Variants in SMYD2 observed in about 807,000 individuals in gnomAD.
SMYD2 encodes the protein SET and MYND domain containing 2.
Under a neutral mutation model 59.1 loss-of-function variants are expected in SMYD2, and 53 were observed. That is an observed-to-expected ratio of 0.90 (90% CI 0.72 to 1.13). The LOEUF (loss-of-function observed/expected upper bound fraction) is 1.13, where lower values mean the gene tolerates loss of function less well. Ranked by LOEUF, SMYD2 falls within the 50% of genes most tolerant of loss-of-function variation. The probability of loss-of-function intolerance (pLI) is 0.00; values close to 1 mark genes in which losing one functional copy is unlikely to be tolerated. For synonymous variants in SMYD2, 208 were observed against 198.8 expected (o/e 1.05, Z -0.39); for missense variants, 494 against 544.7 (o/e 0.91, Z 0.93).
chr1:214,325,873 A>C (rs1479343350), intron 6 of SMYD2, among the ~76,000 whole-genome samples: 1 of 148,866 alleles, frequency 6.7e-6, no homozygotes, highest in Non-Finnish European at 1.5e-5. Context: ...TGACACCTTT[A>C]TAACTGAAAT....
Position 214,324,710 on chromosome 1 carries a change from T to C in SMYD2, c.602+2T>C. ...TTTGGGATCAGCGATATTTCCTGAGTAGGCTGTGTTTGACTTCATTTCTTT... is the reference window on the plus strand; with the variant it reads ...TTTGGGATCAGCGATATTTCCTGAGCAGGCTGTGTTTGACTTCATTTCTTT... On this transcript the variant is annotated splice_donor_variant, in intron 6 of 11. Coordinates refer to ENST00000366957, the MANE Select transcript of SMYD2 (RefSeq NM_020197.3). LOFTEE classifies it high-confidence loss of function. 6.2e-7 allele frequency: 1 copy of C among 1,610,874 alleles called. No individual in the cohort carries two copies. Among genetic ancestry groups the C allele is most frequent in the Non-Finnish European group, 8.5e-7 (1 of 1,178,578 alleles).
intron 1 of SMYD2, among the ~76,000 whole-genome samples, chr1:214,287,794 A>G (rs1656575554): frequency 1.3e-5 from 2 of 152,276 alleles, no homozygotes; most frequent in South Asian, 4.1e-4. Context: ...AGGCACTTTA[A>G]TATTCTTTTA....
intron 3 of SMYD2, among the ~76,000 whole-genome samples, chr1:214,316,462 G>A (rs1304171251): frequency 6.6e-6 from 1 of 151,368 alleles, no homozygotes; most frequent in Non-Finnish European, 1.5e-5. Context: ...TCCAGCCTGA[G>A]CAACAAAGTA....
chr1:214,309,028 G>A (rs1656958544), intron 2 of SMYD2, among the ~76,000 whole-genome samples: 1 of 152,188 alleles, frequency 6.6e-6, no homozygotes, highest in South Asian at 2.1e-4. Flanking sequence ...GCTTCCTGGG[G>A]ATTTCCTCTT....
intron 2 of SMYD2, among the ~76,000 whole-genome samples, chr1:214,306,629 T>C (rs921203622): frequency 6.6e-6 from 1 of 152,206 alleles, no homozygotes. Flanking sequence ...CAATTGTAGA[T>C]AGAGTAGTGC....
chr1:214,289,549 G>A (rs1375788498), intron 1 of SMYD2, among the ~76,000 whole-genome samples: 2 of 152,078 alleles, frequency 1.3e-5, no homozygotes, highest in African/African-American at 4.8e-5. Context: ...TATATGCAAG[G>A]CAAATTTGAT....
At chr1:214,315,898 AT>A (rs1471606934) in intron 3 of SMYD2, among the ~76,000 whole-genome samples, 1 of 152,212 alleles carries the variant, frequency 6.6e-6, no homozygotes, top group Non-Finnish European at 1.5e-5. Flanking sequence ...AGAAATCAAC[AT>A]GGTATATCAG....
intron 1 of SMYD2, among the ~76,000 whole-genome samples, chr1:214,300,458 T>G (rs1039610951): frequency 2.0e-5 from 3 of 152,106 alleles, no homozygotes; most frequent in African/African-American, 7.2e-5. Flanking sequence ...TCTGTGCGGA[T>G]GTTCCCTCCC....
At position 214,318,748 on chromosome 1, in the gene SMYD2, GTTTT is replaced by G; in HGVS notation, c.410-102_410-99del. The G allele has an allele frequency of 2.0e-6, 2 of 1,008,032 alleles. No homozygotes were observed. The highest frequency in any genetic ancestry group is 3.0e-5 in the Admixed American group (1 of 33,158). 62.4% of individuals were successfully genotyped at this position (1,008,032 alleles called of 1,614,324 possible). ...TGGGGGTTCAACATGTTAGTTTTGG[GTTTT>G]TTTTTTTTCGCCCGTTCCTTTCCTC... On this transcript the variant is annotated intron_variant, in intron 4 of 11. Transcript: ENST00000366957. The surrounding 1 kb of genome is among the most constrained non-coding windows in gnomAD (Gnocchi z 5.4).
At position 214,325,929 on chromosome 1, in the gene SMYD2, A is replaced by T. The variant is rs187789701; in HGVS notation, c.602+1221A>T. Among the ~76,000 whole-genome samples the T allele has an allele frequency of 9.1e-4, 138 of 152,104 alleles. 1 individual carries two copies. Among genetic ancestry groups the T allele is most frequent in the African/African-American group, 2.5e-3 (102 of 41,492 alleles). On this transcript the variant is annotated intron_variant, in intron 6 of 11. Coordinates refer to ENST00000366957, the MANE Select transcript of SMYD2 (RefSeq NM_020197.3). Reference sequence around the variant, plus strand: ...TCTTAATATCTTAAAAGACTAAAAGATTAAGAGTAAGGTGCTGCCGGGCAC... The same window carrying T: ...TCTTAATATCTTAAAAGACTAAAAGTTTAAGAGTAAGGTGCTGCCGGGCAC...
intron 5 of SMYD2, among the ~76,000 whole-genome samples, chr1:214,323,347 A>G (rs1657203193): frequency 6.6e-6 from 1 of 152,210 alleles, no homozygotes; most frequent in Non-Finnish European, 1.5e-5. Context: ...TACATAAGTT[A>G]GGCATGTATA....
chr1:214,330,359 G>T (rs951086267), intron 8 of SMYD2, 81 bp downstream of exon 8: 1 of 943,480 alleles, frequency 1.1e-6, no homozygotes, highest in Non-Finnish European at 1.6e-6. Context: ...CTGACTTGGC[G>T]GATCTCCTCT....
Position 214,318,074 on chromosome 1 carries a change from G to T in SMYD2, c.349-5G>T, listed in dbSNP as rs1657112911. 1 of 1,613,178 alleles carries T rather than the reference G, an allele frequency of 6.2e-7. No individual in the cohort carries two copies. Among genetic ancestry groups the T allele is most frequent in the East Asian group, 2.2e-5 (1 of 44,860 alleles). ...TATCTGTGTGATTTCTTCCCCAATTGCTAGAAAATCCACCCAGAGAGAACA... is the reference window on the plus strand; with the variant it reads ...TATCTGTGTGATTTCTTCCCCAATTTCTAGAAAATCCACCCAGAGAGAACA... On this transcript the variant is annotated splice_polypyrimidine_tract_variant and splice_region_variant and intron_variant, in intron 3 of 11. Coordinates refer to ENST00000366957, the MANE Select transcript of SMYD2 (RefSeq NM_020197.3). This position sits in a 1 kb window ranked among gnomAD's most constrained non-coding sequence, Gnocchi z 5.4.
At chr1:214,332,979 G>C (rs1483285270) in intron 10 of SMYD2, 1 of 152,188 alleles carries the variant, frequency 6.6e-6, no homozygotes, top group Non-Finnish European at 1.5e-5. Flanking sequence ...AGCATCCCAG[G>C]TGTTTCTCAG....
At chr1:214,306,270 AT>A (rs201028036) in intron 2 of SMYD2, among the ~76,000 whole-genome samples, 3 of 149,002 alleles carry the variant, frequency 2.0e-5, no homozygotes, top group East Asian at 3.9e-4. Flanking sequence ...CCACTATTTC[AT>A]TTTTTTTTCT....
intron 2 of SMYD2, among the ~76,000 whole-genome samples, chr1:214,307,037 G>A (rs7527081): frequency 0.031 from 4,692 of 152,344 alleles, 254 homozygotes; most frequent in African/African-American, 0.11. Context: ...GCCAGGCGTG[G>A]TGGCGGGTGC....
At chr1:214,286,245 C>A (rs889668441) in intron 1 of SMYD2, among the ~76,000 whole-genome samples, 3 of 152,108 alleles carry the variant, frequency 2.0e-5, no homozygotes, top group Non-Finnish European at 2.9e-5. Flanking sequence ...GTGGGAGGAT[C>A]GCTTGAAGCC....
intron 2 of SMYD2, among the ~76,000 whole-genome samples, chr1:214,305,475 A>G (rs528212311): frequency 6.6e-6 from 1 of 152,354 alleles, no homozygotes; most frequent in African/African-American, 2.4e-5. Context: ...GGAGAAGACC[A>G]TGTTAGATAC....
At chr1:214,334,339 A>C in intron 11 of SMYD2, 31 bp downstream of exon 11, 2 of 1,595,530 alleles carry the variant, frequency 1.3e-6, no homozygotes, top group Non-Finnish European at 1.7e-6. Context: ...TAGGATTCCC[A>C]GTGGCCAGAT....
Sources: allele counts gnomAD v4.1 joint callset (sites outside exome capture counted in the v4.1 genomes callset), GRCh38; gene constraint gnomAD v4.1.1; non-coding constraint Gnocchi (gnomAD v3.1); transcripts MANE v1.5; gene names NCBI Gene and HGNC (gene_info 2026-07-23, HGNC 2026-07-21).